The following CCDC178 variants were observed in gnomAD, a reference collection of about 807,000 sequenced individuals.
CCDC178 encodes coiled-coil domain containing 178.
In CCDC178, 126 loss-of-function variants were observed where a neutral mutation model predicts 117.4. That is an observed-to-expected ratio of 1.07 (90% CI 0.93 to 1.24). The LOEUF (loss-of-function observed/expected upper bound fraction) is 1.24. CCDC178 is among the 50% of genes most tolerant of loss of function. The probability of loss-of-function intolerance (pLI) is 0.00; values close to 1 mark genes in which losing one functional copy is unlikely to be tolerated. For synonymous variants in CCDC178, 283 were observed against 313.4 expected, an observed-to-expected ratio of 0.90 and a Z score of 1.02; for missense variants, 1,030 against 986.9, an observed-to-expected ratio of 1.04 and a Z score of -0.59.
At chr18:33,382,075 G>T (rs1225098587) in intron 5 of CCDC178, among the ~76,000 whole-genome samples, 1 of 151,974 alleles carries the variant, frequency 6.6e-6, no homozygotes, top group East Asian at 1.9e-4. Context: ...TTGTATTCAA[G>T]ATTTCCACTG....
At chr18:33,265,715 C>T (rs1468518717) in intron 14 of CCDC178, among the ~76,000 whole-genome samples, 2 of 151,596 alleles carry the variant, frequency 1.3e-5, no homozygotes, top group Non-Finnish European at 2.9e-5. Flanking sequence ...GTCCTTTCAC[C>T]CCTGTTAAAA....
intron 22 of CCDC178, among the ~76,000 whole-genome samples, chr18:32,954,947 TC>T: frequency 6.6e-6 from 1 of 152,260 alleles, no homozygotes; most frequent in Admixed American, 6.5e-5. Flanking sequence ...TCACTCATAC[TC>T]CTTTGCTATC....
At chr18:33,059,634 G>T (rs892213290) in intron 21 of CCDC178, among the ~76,000 whole-genome samples, 2 of 152,014 alleles carry the variant, frequency 1.3e-5, no homozygotes, top group African/African-American at 4.8e-5. Context: ...CTCCTAAATA[G>T]GTTTCCAATT....
intron 9 of CCDC178, among the ~76,000 whole-genome samples, chr18:33,342,988 C>T (rs535375603): frequency 1.3e-5 from 2 of 152,242 alleles, no homozygotes; most frequent in South Asian, 2.1e-4. Context: ...CTGATTACAC[C>T]CTTTCTGTCT....
chr18:33,015,583 A>AAACAACAACAAC (rs149187577), intron 21 of CCDC178, among the ~76,000 whole-genome samples: 2 of 151,618 alleles, frequency 1.3e-5, no homozygotes, highest in African/African-American at 4.9e-5. Context: ...CAACAACAAC[A>AAACAACAACAAC]AACAACAACA....
intron 20 of CCDC178, among the ~76,000 whole-genome samples, chr18:33,194,883 A>T (rs1462724409): frequency 7.0e-6 from 1 of 142,902 alleles, no homozygotes; most frequent in Admixed American, 7.2e-5. Context: ...AGGCAATACA[A>T]TGAGACTCTG....
At chr18:33,391,577 T>C (rs1335408292) in intron 4 of CCDC178, among the ~76,000 whole-genome samples, 1 of 152,138 alleles carries the variant, frequency 6.6e-6, no homozygotes, top group Non-Finnish European at 1.5e-5. Flanking sequence ...CTGCACTATA[T>C]AACTAATCTA....
intron 14 of CCDC178, 150 bp from the exon 15 acceptor site, chr18:33,245,578 T>G: frequency 2.4e-6 from 2 of 836,426 alleles, no homozygotes; most frequent in Non-Finnish European, 3.3e-6. Flanking sequence ...AGAACATGTG[T>G]CCTAGGACTC....
chr18:33,412,304 A>C (rs1169859523), intron 2 of CCDC178, among the ~76,000 whole-genome samples, 194 bp from the exon 3 acceptor site: 1 of 152,082 alleles, frequency 6.6e-6, no homozygotes, highest in African/African-American at 2.4e-5. Context: ...AAAAATCTTC[A>C]TTAAAGAGGG....
chr18:33,249,996 T>C (rs1013031539), intron 14 of CCDC178, among the ~76,000 whole-genome samples: 1 of 151,964 alleles, frequency 6.6e-6, no homozygotes, highest in African/African-American at 2.4e-5. Flanking sequence ...CCCTTGTAAG[T>C]TGGATTCCTA....
chr18:33,152,857 G>C (rs2058355615), intron 20 of CCDC178, among the ~76,000 whole-genome samples: 1 of 152,040 alleles, frequency 6.6e-6, no homozygotes, highest in Non-Finnish European at 1.5e-5. Context: ...TCCAATGCTA[G>C]GAAGTGGCAA....
intron 2 of CCDC178, among the ~76,000 whole-genome samples, chr18:33,424,707 G>A (rs765515834): frequency 6.6e-5 from 10 of 152,218 alleles, no homozygotes; most frequent in Non-Finnish European, 1.5e-4. Context: ...AGGCAAGGGA[G>A]AGGCTGACGT....
intron 21 of CCDC178, among the ~76,000 whole-genome samples, chr18:33,018,772 A>C (rs929123261): frequency 6.6e-6 from 1 of 152,106 alleles, no homozygotes; most frequent in African/African-American, 2.4e-5. Flanking sequence ...TTAAGTATGG[A>C]ACTTCTTTTT....
chr18:33,075,438 A>AC (rs754434587), intron 21 of CCDC178, among the ~76,000 whole-genome samples: 1 of 152,190 alleles, frequency 6.6e-6, no homozygotes, highest in Non-Finnish European at 1.5e-5. Context: ...TGTACCACAA[A>AC]GGTAAATGCT....
chr18:33,047,457 A>G lies in CCDC178; in HGVS notation c.2388+45304T>C, dbSNP rs552154517. On this transcript the variant is annotated intron_variant, in intron 21 of 22. Coordinates refer to ENST00000383096, the MANE Select transcript of CCDC178 (RefSeq NM_001105528.4). The stretch of plus-strand genomic sequence containing the variant: ...TCAACTATGAAACAATCAGCTTCCC[A>G]ATTGAGGCCTCTAATTTTGCATATT... 2.6e-5 allele frequency among the ~76,000 whole-genome samples: 4 copies of G among 152,228 alleles called. No individual in the cohort carries two copies. In the East Asian group the frequency reaches 7.7e-4, roughly 29 times the overall value.
At chr18:33,068,848 G>C (rs2057063211) in intron 21 of CCDC178, among the ~76,000 whole-genome samples, 1 of 151,956 alleles carries the variant, frequency 6.6e-6, no homozygotes, top group Non-Finnish European at 1.5e-5. Context: ...ATAAATAAAA[G>C]GCATCCAAAT....
chr18:33,342,720 A>C (rs1299413967), intron 9 of CCDC178, among the ~76,000 whole-genome samples: 1 of 152,216 alleles, frequency 6.6e-6, no homozygotes, highest in African/African-American at 2.4e-5. Flanking sequence ...CGGCCTGAAG[A>C]AGAGCTTCCC....
At chr18:33,242,929 T>C (rs2059505627) in intron 15 of CCDC178, among the ~76,000 whole-genome samples, 1 of 151,880 alleles carries the variant, frequency 6.6e-6, no homozygotes, top group African/African-American at 2.4e-5. Flanking sequence ...AATTCATATA[T>C]TGAAGAGACA....
chr18:33,408,274 A>T (rs111288981), intron 3 of CCDC178, among the ~76,000 whole-genome samples: 1 of 152,044 alleles, frequency 6.6e-6, no homozygotes, highest in African/African-American at 2.4e-5. Context: ...AAACATTAAA[A>T]GTCTCACTTT....
Sources: allele counts gnomAD v4.1 joint callset (sites outside exome capture counted in the v4.1 genomes callset), GRCh38; gene constraint gnomAD v4.1.1; transcripts MANE v1.5; gene names NCBI Gene and HGNC (gene_info 2026-07-23, HGNC 2026-07-21).